Variants in AGAP1 observed in about 807,000 individuals in gnomAD.
The protein encoded by AGAP1 is ArfGAP with GTPase domain, ankyrin repeat and PH domain 1.
Under a neutral mutation model 105.3 loss-of-function variants are expected in AGAP1, and 29 were observed. The ratio of observed to expected loss-of-function variants is 0.28; its 90% CI spans 0.21 to 0.38. The LOEUF is 0.38. AGAP1 is among the 10% of genes least tolerant of loss of function. The pLI is 1.00. For synonymous variants in AGAP1, 509 were observed against 485.9 expected (o/e 1.05, Z -0.63); for missense variants, 998 against 1,165.1 (o/e 0.86, Z 2.09).
Position 235,720,655 on chromosome 2 carries a change from C to G in AGAP1, c.310+3011C>G, listed in dbSNP as rs1163310203. On this transcript the variant is annotated intron_variant, in intron 3 of 17. Transcript: ENST00000304032. This position sits in a 1 kb window ranked among gnomAD's most constrained non-coding sequence, Gnocchi z 5.0. The stretch of plus-strand genomic sequence containing the variant: ...TGTGTATCTGCCTGTCCAGATAGTT[C>G]CTTGGATTCTCCCTGCGCTTCTTAA... 2 of 985,334 alleles carry G rather than the reference C, an allele frequency of 2.0e-6. No homozygotes were observed. 61.0% of individuals were successfully genotyped at this position (985,334 alleles called of 1,614,324 possible).
chr2:235,758,504 C>G (rs570033953), intron 6 of AGAP1, among the ~76,000 whole-genome samples: 23 of 152,210 alleles, frequency 1.5e-4, no homozygotes, highest in African/African-American at 5.3e-4. Flanking sequence ...ATCACTGTCC[C>G]CGTCTCTACA....
chr2:235,495,596 A>T (rs1941281020), intron 1 of AGAP1, among the ~76,000 whole-genome samples: 2 of 152,368 alleles, frequency 1.3e-5, no homozygotes, highest in African/African-American at 4.8e-5. Context: ...ATGCTTGGGC[A>T]GAATCCCCAC....
chr2:235,619,763 C>A (rs916438418), intron 1 of AGAP1, among the ~76,000 whole-genome samples: 2 of 152,188 alleles, frequency 1.3e-5, no homozygotes, highest in African/African-American at 4.8e-5. Context: ...CTTCGGCGCC[C>A]GAATTGCTGC....
chr2:235,653,859 C>T (rs1947690350), intron 1 of AGAP1, among the ~76,000 whole-genome samples: 1 of 152,160 alleles, frequency 6.6e-6, no homozygotes, highest in South Asian at 2.1e-4. Context: ...GAGTTCAAGA[C>T]CATCCTGGCC....
chr2:236,016,381 CTTTTT>C (rs151088125), intron 13 of AGAP1, among the ~76,000 whole-genome samples: 43 of 114,654 alleles, frequency 3.8e-4, no homozygotes, highest in African/African-American at 6.7e-4. Context: ...GTTGGGTTTG[CTTTTT>C]TTTTTTTTTT....
chr2:236,048,602 G>C (rs1038910050), intron 15 of AGAP1, among the ~76,000 whole-genome samples: 1 of 152,160 alleles, frequency 6.6e-6, no homozygotes, highest in Non-Finnish European at 1.5e-5. Flanking sequence ...TGTGCCAGTG[G>C]CTGCAGAGGT....
chr2:235,831,886 A>G (rs535525721), intron 9 of AGAP1, among the ~76,000 whole-genome samples: 1 of 152,242 alleles, frequency 6.6e-6, no homozygotes, highest in African/African-American at 2.4e-5. Context: ...GGAAACTGCC[A>G]AACAGTCTTC....
intron 13 of AGAP1, among the ~76,000 whole-genome samples, chr2:236,022,643 T>C (rs1045341072): frequency 6.6e-6 from 1 of 152,204 alleles, no homozygotes; most frequent in African/African-American, 2.4e-5. Flanking sequence ...CAAGTGATTT[T>C]CATGCCTCGG....
intron 1 of AGAP1, among the ~76,000 whole-genome samples, chr2:235,653,215 C>G (rs1348483432): frequency 6.6e-6 from 1 of 152,136 alleles, no homozygotes. Context: ...CCTGTAATCC[C>G]AGCACTTTGG....
At position 236,092,512 on chromosome 2, in the gene AGAP1, C is replaced by T. The variant is rs1191889408; in HGVS notation, c.2115-27680C>T. ...GGTTCAAGCAATTCTCCTGCCTCAG[C>T]CTCCCGAGTAAGCTGGGATTACAGG... On this transcript the variant is annotated intron_variant, in intron 16 of 17. Coordinates refer to ENST00000304032, the MANE Select transcript of AGAP1 (RefSeq NM_001037131.3). The surrounding 1 kb of genome is among the most constrained non-coding windows in gnomAD (Gnocchi z 4.7). Among the ~76,000 whole-genome samples the T allele has an allele frequency of 6.6e-6, 1 of 152,150 alleles. No individual in the cohort carries two copies. Among genetic ancestry groups the T allele is most frequent in the Non-Finnish European group, 1.5e-5 (1 of 68,026 alleles).
At chr2:236,039,795 T>C (rs1439457098) in intron 14 of AGAP1, among the ~76,000 whole-genome samples, 1 of 152,224 alleles carries the variant, frequency 6.6e-6, no homozygotes. Flanking sequence ...TATGTAGATG[T>C]GCTTAAACAA....
At chr2:235,594,849 C>T (rs893076715) in intron 1 of AGAP1, among the ~76,000 whole-genome samples, 3 of 147,550 alleles carry the variant, frequency 2.0e-5, no homozygotes, top group Admixed American at 1.4e-4. Context: ...GCTGGGATTA[C>T]AGGCGTGAGC....
chr2:235,590,715 ATTT>A (rs67076321), intron 1 of AGAP1, among the ~76,000 whole-genome samples: 13 of 53,690 alleles, frequency 2.4e-4, no homozygotes, highest in African/African-American at 6.2e-4. Context: ...GTGTGTGTGC[ATTT>A]TTTTTTTTTT....
chr2:235,612,693 G>A lies in AGAP1; in HGVS notation c.164-96486G>A, dbSNP rs77706418. 0.064 allele frequency among the ~76,000 whole-genome samples: 9,671 copies of A among 152,126 alleles called. 853 individuals are homozygous for A. The highest frequency in any genetic ancestry group is 0.2 in the African/African-American group (8,207 of 41,474). On this transcript the variant is annotated intron_variant, in intron 1 of 17. Coordinates refer to ENST00000304032, the MANE Select transcript of AGAP1 (RefSeq NM_001037131.3). This position sits in a 1 kb window ranked among gnomAD's most constrained non-coding sequence, Gnocchi z 4.3. ...GACCAGCGCATCCAGGGTTGCTTGGGCACAGTGGTCCTTTTGCATGGGGTG... is the reference window on the plus strand; with the variant it reads ...GACCAGCGCATCCAGGGTTGCTTGGACACAGTGGTCCTTTTGCATGGGGTG...
rs1944791361 is a variant in AGAP1 at position 235,577,963 on chromosome 2, G to T, written c.163+83114G>T. Reference sequence around the variant, plus strand: ...CAGACAAGGGAGCAGTGTCTGCACAGGGGGTCTGGATCGCACCCGACACCA... The same window carrying T: ...CAGACAAGGGAGCAGTGTCTGCACATGGGGTCTGGATCGCACCCGACACCA... On this transcript the variant is annotated intron_variant, in intron 1 of 17. Transcript: ENST00000304032. This position sits in a 1 kb window ranked among gnomAD's most constrained non-coding sequence, Gnocchi z 4.5. Among the ~76,000 whole-genome samples, 1 of 152,052 alleles carries T rather than the reference G, an allele frequency of 6.6e-6. No homozygotes were observed. The highest frequency in any genetic ancestry group is 6.5e-5 in the Admixed American group (1 of 15,268).
At chr2:235,618,319 G>A (rs1946372069) in intron 1 of AGAP1, among the ~76,000 whole-genome samples, 1 of 152,094 alleles carries the variant, frequency 6.6e-6, no homozygotes, top group African/African-American at 2.4e-5. Flanking sequence ...GATTTTTCGG[G>A]AGCAGTTGGT....
intron 9 of AGAP1, among the ~76,000 whole-genome samples, chr2:235,862,588 A>G (rs1346519899): frequency 6.6e-6 from 1 of 152,262 alleles, no homozygotes; most frequent in African/African-American, 2.4e-5. Context: ...AAACTGTCCC[A>G]GGTACCTTTT....
intron 6 of AGAP1, among the ~76,000 whole-genome samples, chr2:235,786,888 A>G (rs997143452): frequency 6.6e-6 from 1 of 152,186 alleles, no homozygotes; most frequent in Admixed American, 6.5e-5. Context: ...AGCTCCGTCC[A>G]TTGGTCCTCC....
intron 1 of AGAP1, among the ~76,000 whole-genome samples, chr2:235,502,486 C>T (rs1941604250): frequency 6.6e-6 from 1 of 152,124 alleles, no homozygotes; most frequent in Admixed American, 6.5e-5. Context: ...GGTGGCCACC[C>T]TGAGCTCTCT....
Sources: gnomAD v4.1 joint callset for allele counts (sites outside exome capture counted in the v4.1 genomes callset) on GRCh38, gnomAD v4.1.1 for gene constraint, Gnocchi (gnomAD v3.1) non-coding constraint, MANE v1.5 for transcripts, NCBI Gene and HGNC (gene_info 2026-07-23, HGNC 2026-07-21) for gene names.